GRM3: variants seen among roughly 807,000 people sequenced by gnomAD.
GRM3 encodes the protein glutamate metabotropic receptor 3.
A neutral mutation model predicts 70.5 loss-of-function variants in GRM3; 26 were observed. That is an observed-to-expected ratio of 0.37 (90% CI 0.27 to 0.51). The LOEUF is 0.51. Among genes scored for constraint, GRM3 ranks in the 20% least tolerant of loss-of-function variants. The pLI, the probability that GRM3 is intolerant of heterozygous loss-of-function variation, is 0.93. For synonymous variants in GRM3, 443 were observed against 434.9 expected (o/e 1.02, Z -0.23); for missense variants, 859 against 1,123.8 (o/e 0.76, Z 3.37).
chr7:86,759,124 T>C (rs1049414005), intron 1 of GRM3, among the ~76,000 whole-genome samples: 1 of 152,158 alleles, frequency 6.6e-6, no homozygotes, highest in Non-Finnish European at 1.5e-5. Context: ...CCTGGCCTCC[T>C]CTATTCTGCC....
intron 3 of GRM3, among the ~76,000 whole-genome samples, chr7:86,817,419 C>A (rs959718117): frequency 5.3e-5 from 8 of 151,940 alleles, no homozygotes; most frequent in Admixed American, 2.0e-4. Context: ...CAATTCCAAT[C>A]TTATTTATGA....
intron 1 of GRM3, among the ~76,000 whole-genome samples, chr7:86,749,246 C>G (rs139183663): frequency 6.6e-6 from 1 of 152,148 alleles, no homozygotes; most frequent in East Asian, 1.9e-4. Flanking sequence ...AAACACCATC[C>G]TTTGGGTGAC....
intron 1 of GRM3, among the ~76,000 whole-genome samples, chr7:86,661,361 T>C (rs541178768): frequency 1.3e-5 from 2 of 152,126 alleles, no homozygotes; most frequent in South Asian, 2.1e-4. Context: ...CTTTGGTACA[T>C]CCATCGATCC....
intron 1 of GRM3, among the ~76,000 whole-genome samples, chr7:86,668,844 GAAGTATATCT>G (rs1794099424): frequency 1.3e-5 from 2 of 152,086 alleles, no homozygotes; most frequent in Admixed American, 1.3e-4. Flanking sequence ...GAAATGGGAG[GAAGTATATCT>G]TCTGGGAACC....
intron 1 of GRM3, among the ~76,000 whole-genome samples, chr7:86,758,356 G>A (rs555848886): frequency 1.3e-5 from 2 of 152,218 alleles, no homozygotes; most frequent in African/African-American, 4.8e-5. Flanking sequence ...TCTACACTCG[G>A]TTTATGCTGA....
At chr7:86,816,533 A>G (rs1469018316) in intron 3 of GRM3, among the ~76,000 whole-genome samples, 2 of 151,902 alleles carry the variant, frequency 1.3e-5, no homozygotes, top group Admixed American at 1.3e-4. Context: ...CTTGCAAGTG[A>G]GAACATGCAT....
At chr7:86,808,853 T>C (rs556842569) in intron 3 of GRM3, among the ~76,000 whole-genome samples, 1 of 152,124 alleles carries the variant, frequency 6.6e-6, no homozygotes, top group South Asian at 2.1e-4. Flanking sequence ...GAGACCAGTG[T>C]GGCTAGATGG....
Position 86,672,818 on chromosome 7 carries a change from C to T in GRM3, c.-141+27946C>T, listed in dbSNP as rs192011102. 3.6e-4 allele frequency among the ~76,000 whole-genome samples: 55 copies of T among 152,268 alleles called. 1 individual carries two copies. The highest frequency in any genetic ancestry group is 1.3e-3 in the East Asian group (7 of 5,188). ...GCTTTCCATGTAGTTTTCACAAATG[C>T]TTTTCTCTGACTTTGCTAAAAATGC... is the stretch of plus-strand genomic sequence containing the variant. On this transcript the variant is annotated intron_variant, in intron 1 of 5. Transcript: ENST00000361669.
chr7:86,722,577 G>C (rs890381616), intron 1 of GRM3, among the ~76,000 whole-genome samples: 5 of 145,782 alleles, frequency 3.4e-5, no homozygotes, highest in African/African-American at 1.3e-4. Context: ...ATGGAAGGCA[G>C]GGGGGCATCA....
At chr7:86,715,435 G>A (rs554222276) in intron 1 of GRM3, among the ~76,000 whole-genome samples, 1 of 151,890 alleles carries the variant, frequency 6.6e-6, no homozygotes, top group Non-Finnish European at 1.5e-5. Context: ...GATATTTATT[G>A]TGAGAACTAA....
At chr7:86,715,830 G>A (rs550401201) in intron 1 of GRM3, among the ~76,000 whole-genome samples, 1 of 151,970 alleles carries the variant, frequency 6.6e-6, no homozygotes, top group Non-Finnish European at 1.5e-5. Context: ...ATTTCTATCT[G>A]TCATCTTGCA....
chr7:86,855,637 G>T (rs572191523), intron 5 of GRM3, among the ~76,000 whole-genome samples: 3 of 151,930 alleles, frequency 2.0e-5, no homozygotes, highest in African/African-American at 7.3e-5. Context: ...AAGTTTTTTC[G>T]CATTATAAAA....
At position 86,785,632 on chromosome 7, in the gene GRM3, G is replaced by T. The variant is rs192667615; in HGVS notation, c.469-629G>T. ...AGAAAATATTGGTCAAGATTTTCAG[G>T]AGTTTAGAAAAGCGTATGCCTAAAA... On this transcript the variant is annotated intron_variant, in intron 2 of 5. Transcript: ENST00000361669. Among the ~76,000 whole-genome samples, 6 of 147,318 alleles carry T rather than the reference G, an allele frequency of 4.1e-5. No individual in the cohort carries two copies. In the East Asian group the frequency reaches 1.2e-3, roughly 30 times the overall value.
At chr7:86,718,059 T>G (rs1758191061) in intron 1 of GRM3, among the ~76,000 whole-genome samples, 1 of 152,002 alleles carries the variant, frequency 6.6e-6, no homozygotes, top group South Asian at 2.1e-4. Context: ...GAATAGTGTT[T>G]TATAAGCAAA....
At chr7:86,693,058 G>C (rs958765747) in intron 1 of GRM3, among the ~76,000 whole-genome samples, 2 of 152,130 alleles carry the variant, frequency 1.3e-5, no homozygotes, top group African/African-American at 4.8e-5. Context: ...TCATCAAAAA[G>C]GATTGTCTGG....
At chr7:86,804,114 C>CTTGCAATGTTAT (rs1436501701) in intron 3 of GRM3, among the ~76,000 whole-genome samples, 1 of 152,114 alleles carries the variant, frequency 6.6e-6, no homozygotes, top group Non-Finnish European at 1.5e-5. Context: ...GTTCCTTCAG[C>CTTGCAATGTTAT]TTGCAATGTT....
At chr7:86,838,614 A>C (rs746660830) in intron 3 of GRM3, among the ~76,000 whole-genome samples, 11 of 152,218 alleles carry the variant, frequency 7.2e-5, no homozygotes, top group Non-Finnish European at 1.2e-4. Flanking sequence ...TATCACCGGT[A>C]CTTGGCACCC....
intron 1 of GRM3, among the ~76,000 whole-genome samples, chr7:86,759,657 A>G (rs1300051299): frequency 6.6e-6 from 1 of 152,158 alleles, no homozygotes; most frequent in Non-Finnish European, 1.5e-5. Flanking sequence ...AAGACAAAAT[A>G]TGATCCTCAT....
intron 1 of GRM3, among the ~76,000 whole-genome samples, chr7:86,701,746 T>G (rs1287789326): frequency 6.6e-6 from 1 of 151,996 alleles, no homozygotes; most frequent in Non-Finnish European, 1.5e-5. Flanking sequence ...TTTCATAATT[T>G]CTAAGAGTGG....
Sources: allele counts gnomAD v4.1 joint callset (sites outside exome capture counted in the v4.1 genomes callset), GRCh38; gene constraint gnomAD v4.1.1; transcripts MANE v1.5; gene names NCBI Gene and HGNC (gene_info 2026-07-23, HGNC 2026-07-21).